NAV2: variants seen among roughly 807,000 people sequenced by gnomAD.
NAV2 encodes the protein helicase, APC down-regulated 1.
In NAV2, 54 loss-of-function variants were observed where a neutral mutation model predicts 223.2. That is an observed-to-expected ratio of 0.24 (90% confidence interval 0.19 to 0.30). The LOEUF (loss-of-function observed/expected upper bound fraction) is 0.30, where lower values mean the gene tolerates loss of function less well. Among genes scored for constraint, NAV2 ranks in the 10% least tolerant of loss-of-function variants. NAV2 has a pLI of 1.00. For synonymous variants in NAV2, 1,279 were observed against 1,239.3 expected, an observed-to-expected ratio of 1.03 and a Z score of -0.67; for missense variants, 2,806 against 3,147.5, an observed-to-expected ratio of 0.89 and a Z score of 2.60.
At chr11:19,921,943 T>G (rs979299886) in intron 6 of NAV2, among the ~76,000 whole-genome samples, 4 of 152,328 alleles carry the variant, frequency 2.6e-5, no homozygotes, top group African/African-American at 7.2e-5. Flanking sequence ...TGTGTGTGTG[T>G]GGGTATATAA....
chr11:19,600,918 C>T (rs1314881542), intron 1 of NAV2, among the ~76,000 whole-genome samples: 1 of 152,210 alleles, frequency 6.6e-6, no homozygotes, highest in African/African-American at 2.4e-5. Flanking sequence ...ACTTTTTCTA[C>T]TATACCATGT....
At position 19,413,800 on chromosome 11, in the gene NAV2, C is replaced by G. The variant is rs1209120220; in HGVS notation, c.75+62773C>G. Among the ~76,000 whole-genome samples, 4 of 152,074 alleles carry G rather than the reference C, an allele frequency of 2.6e-5. No homozygotes were observed. In the East Asian group the frequency reaches 7.7e-4, roughly 29 times the overall value. ...ATTTTTAAAGAAAAGAATTTTCAGC[C>G]CAGAATTTCATATCCAGCCAAACTA... is the stretch of plus-strand genomic sequence containing the variant. On this transcript the variant is annotated intron_variant, in intron 1 of 37. Coordinates refer to the NAV2 transcript ENST00000360655.
intron 10 of NAV2, 133 bp from the exon 11 acceptor site, chr11:19,983,992 A>G: frequency 1.7e-6 from 2 of 1,156,876 alleles, no homozygotes; most frequent in Middle Eastern, 2.1e-4. Context: ...GATCAGTGCC[A>G]GAGCCTCAGG....
intron 1 of NAV2, among the ~76,000 whole-genome samples, chr11:19,442,446 A>G (rs1237711170): frequency 1.3e-5 from 2 of 152,262 alleles, no homozygotes; most frequent in Non-Finnish European, 2.9e-5. Flanking sequence ...TCAAAACCAA[A>G]GGTGAAATGA....
intron 8 of NAV2, among the ~76,000 whole-genome samples, chr11:19,944,200 C>CA (rs1343935505): frequency 1.3e-4 from 20 of 151,654 alleles, no homozygotes; most frequent in Non-Finnish European, 2.5e-4. Context: ...GACTCTGTCT[C>CA]AAAAAAAGAA....
intron 1 of NAV2, among the ~76,000 whole-genome samples, chr11:19,673,868 G>A (rs1758438705): frequency 6.6e-6 from 1 of 152,152 alleles, no homozygotes; most frequent in South Asian, 2.1e-4. Context: ...AGAAACAACA[G>A]ACCCAAGATG....
chr11:19,422,221 T>C (rs1404791617), intron 1 of NAV2, among the ~76,000 whole-genome samples: 1 of 152,156 alleles, frequency 6.6e-6, no homozygotes, highest in Non-Finnish European at 1.5e-5. Flanking sequence ...AGTGACACAG[T>C]GCCAGTCTGG....
chr11:19,493,652 C>T (rs766015096), intron 1 of NAV2, among the ~76,000 whole-genome samples: 5 of 152,166 alleles, frequency 3.3e-5, no homozygotes, highest in East Asian at 1.9e-4. Context: ...GGACTGCCAC[C>T]GGATGGAGCC....
At chr11:19,716,261 A>C (rs2050301920) in intron 1 of NAV2, among the ~76,000 whole-genome samples, 1 of 152,198 alleles carries the variant, frequency 6.6e-6, no homozygotes, top group Admixed American at 6.5e-5. Context: ...GTGGCTGATA[A>C]CATAGCTTTT....
At chr11:19,499,052 C>T (rs561187770) in intron 1 of NAV2, among the ~76,000 whole-genome samples, 6 of 152,314 alleles carry the variant, frequency 3.9e-5, no homozygotes, top group African/African-American at 1.2e-4. Flanking sequence ...TCATGCAAGC[C>T]ATACAGCCTA....
intron 10 of NAV2, among the ~76,000 whole-genome samples, chr11:19,963,729 G>C (rs1238105039): frequency 6.6e-6 from 1 of 152,198 alleles, no homozygotes; most frequent in East Asian, 1.9e-4. Flanking sequence ...TGTAGCATGA[G>C]AAACACTTGT....
At chr11:19,510,049 A>G (rs2043231377) in intron 1 of NAV2, among the ~76,000 whole-genome samples, 1 of 152,194 alleles carries the variant, frequency 6.6e-6, no homozygotes, top group Admixed American at 6.5e-5. Context: ...AGATTGGAAA[A>G]CTAGAAGCTA....
intron 11 of NAV2, among the ~76,000 whole-genome samples, chr11:20,031,639 C>T (rs1285494533): frequency 1.3e-5 from 2 of 152,194 alleles, no homozygotes; most frequent in African/African-American, 4.8e-5. Flanking sequence ...CCTCTCAGCT[C>T]TGCTTCCCAC....
chr11:19,636,018 G>T (rs2047488625), intron 1 of NAV2, among the ~76,000 whole-genome samples: 1 of 152,160 alleles, frequency 6.6e-6, no homozygotes, highest in Non-Finnish European at 1.5e-5. Context: ...TAGTTCAATG[G>T]CTAAGTGACC....
intron 1 of NAV2, among the ~76,000 whole-genome samples, chr11:19,428,678 G>A (rs926343430): frequency 6.6e-6 from 1 of 152,190 alleles, no homozygotes; most frequent in African/African-American, 2.4e-5. Context: ...CTTTGGGGAA[G>A]TACCTTAGCA....
In NAV2 at chr11:20,002,427, G is replaced by A. The variant is rs76631087; in HGVS notation, c.2768+18180G>A. On this transcript the variant is annotated intron_variant, in intron 11 of 37. Transcript: ENST00000349880. ...GTGAGCGACTAAAGGAAGGGACAGC[G>A]CAGTCAGGGAGATGTCAGTGCGTTC... Among the ~76,000 whole-genome samples, 837 of 152,194 alleles carry A rather than the reference G, an allele frequency of 5.5e-3. 4 individuals are homozygous for A. Among genetic ancestry groups the A allele is most frequent in the African/African-American group, 0.018 (768 of 41,526 alleles).
At chr11:20,010,414 G>A (rs2053468899) in intron 11 of NAV2, among the ~76,000 whole-genome samples, 1 of 152,146 alleles carries the variant, frequency 6.6e-6, no homozygotes, top group Admixed American at 6.5e-5. Context: ...GTGCAAATAG[G>A]GGCTTAATAA....
At chr11:20,101,213 T>G (rs1252874681) in intron 32 of NAV2, 41 bp downstream of exon 32, 1 of 1,469,000 alleles carries the variant, frequency 6.8e-7, no homozygotes, top group Non-Finnish European at 9.5e-7. Context: ...TTTTGGCCCT[T>G]TCAAAACTGA....
chr11:19,485,728 ATT>A (rs35370021), intron 1 of NAV2, among the ~76,000 whole-genome samples: 66 of 150,860 alleles, frequency 4.4e-4, no homozygotes, highest in East Asian at 9.8e-4. Flanking sequence ...TCTATTAAGG[ATT>A]TTTTTTTTTA....
Sources: gnomAD v4.1 joint callset for allele counts (sites outside exome capture counted in the v4.1 genomes callset) on GRCh38, gnomAD v4.1.1 for gene constraint, MANE v1.5 for transcripts, NCBI Gene and HGNC (gene_info 2026-07-23, HGNC 2026-07-21) for gene names.